TMPRSS11E: variants seen among roughly 807,000 people sequenced by gnomAD.
TMPRSS11E encodes the protein transmembrane protease serine 11E.
In TMPRSS11E, 38 loss-of-function variants were observed where a neutral mutation model predicts 48.1. That is an observed-to-expected ratio of 0.79 (90% confidence interval 0.61 to 1.04). The LOEUF is 1.04. Among genes scored for constraint, TMPRSS11E ranks in the 50% least tolerant of loss-of-function variants. The pLI, the probability that TMPRSS11E is intolerant of heterozygous loss-of-function variation, is 0.00. For synonymous variants in TMPRSS11E, 158 were observed against 171.9 expected (o/e 0.92, Z 0.63); for missense variants, 530 against 510.8 (o/e 1.04, Z -0.36).
At position 68,482,167 on chromosome 4, in the gene TMPRSS11E, T is replaced by TGGTAGG. The variant is rs1560557381; in HGVS notation, c.1110+3176_1110+3177insGGTAGG. 4.6e-5 allele frequency among the ~76,000 whole-genome samples: 7 copies of TGGTAGG among 151,436 alleles called. No individual in the cohort carries two copies. The East Asian group carries it at 1.4e-3, about 30-fold the overall frequency. On this transcript the variant is annotated intron_variant, in intron 9 of 9. Coordinates refer to ENST00000305363, the MANE Select transcript of TMPRSS11E (RefSeq NM_014058.4). ...ATGGTGAAAGCAGGAGCAAGAGGGA[T>TGGTAGG]AGAGGTGCCATACACTTTTAAACAA...
chr4:68,458,209 T>G (rs755803205), intron 1 of TMPRSS11E, among the ~76,000 whole-genome samples: 12 of 152,202 alleles, frequency 7.9e-5, no homozygotes, highest in Non-Finnish European at 1.5e-4. Context: ...TAGCTTTATT[T>G]GCACTAGTAC....
chr4:68,464,706 T>C (rs1728881236), intron 2 of TMPRSS11E, among the ~76,000 whole-genome samples: 1 of 152,314 alleles, frequency 6.6e-6, no homozygotes, highest in East Asian at 1.9e-4. Flanking sequence ...TTTTGACCTG[T>C]ACTAATGGTG....
intron 9 of TMPRSS11E, among the ~76,000 whole-genome samples, chr4:68,490,638 G>A (rs1052966005): frequency 4.6e-5 from 7 of 151,816 alleles, no homozygotes; most frequent in African/African-American, 7.3e-5. Flanking sequence ...TTACTGCTTC[G>A]CAGTGGTGAA....
At position 68,496,904 on chromosome 4, in the gene TMPRSS11E, T is replaced by G. The variant is rs1035761033; in HGVS notation, c.*100T>G. On this transcript the variant is annotated 3_prime_UTR_variant, in exon 10 of 10. Transcript: ENST00000305363. ...AATTGGAGAAGACTTGCAAAACAGCTAGATTTGACTGATCTCAATAAACTG... is the reference window on the plus strand; with the variant it reads ...AATTGGAGAAGACTTGCAAAACAGCGAGATTTGACTGATCTCAATAAACTG... The G allele has an allele frequency of 8.6e-7, 1 of 1,166,630 alleles. No homozygotes were observed. The highest frequency in any genetic ancestry group is 1.5e-5 in the South Asian group (1 of 66,952). 72.3% of individuals were successfully genotyped at this position (1,166,630 alleles called of 1,614,324 possible). A position where few individuals can be genotyped will look rare whatever the true frequency, so the allele number is the denominator to read the frequency against.
At chr4:68,464,679 T>A (rs1347347261) in intron 2 of TMPRSS11E, among the ~76,000 whole-genome samples, 1 of 152,204 alleles carries the variant, frequency 6.6e-6, no homozygotes, top group Admixed American at 6.5e-5. Context: ...CATATGAAAT[T>A]GCCAATATTT....
chr4:68,465,895 T>TA (rs1728914744), intron 2 of TMPRSS11E, among the ~76,000 whole-genome samples: 1 of 152,182 alleles, frequency 6.6e-6, no homozygotes, highest in Admixed American at 6.5e-5. Context: ...CACTGGAGGG[T>TA]AGAGGAAAAG....
intron 9 of TMPRSS11E, among the ~76,000 whole-genome samples, chr4:68,489,459 G>C (rs1729654780): frequency 6.6e-6 from 1 of 152,168 alleles, no homozygotes; most frequent in East Asian, 1.9e-4. Flanking sequence ...TGGTCGTGGG[G>C]TAGTGGCAAG....
intron 1 of TMPRSS11E, among the ~76,000 whole-genome samples, chr4:68,451,643 A>G (rs971751508): frequency 7.2e-5 from 11 of 151,988 alleles, no homozygotes; most frequent in African/African-American, 2.4e-4. Context: ...TTGAACTGTG[A>G]GTCAGTGCAG....
chr4:68,471,941 T>C (rs1395827827), intron 5 of TMPRSS11E, among the ~76,000 whole-genome samples: 4 of 151,958 alleles, frequency 2.6e-5, no homozygotes, highest in Admixed American at 2.6e-4. Context: ...GCTTTCATTG[T>C]GTGTTCTGAG....
At chr4:68,478,388 C>T (rs955629659) in intron 8 of TMPRSS11E, among the ~76,000 whole-genome samples, 2 of 150,308 alleles carry the variant, frequency 1.3e-5, no homozygotes, top group Non-Finnish European at 3.0e-5. Context: ...AGGTGATCTG[C>T]CCTCCTCGGC....
Position 68,477,581 on chromosome 4 carries a change from C to A in TMPRSS11E, c.920C>A (p.Pro307Gln), listed in dbSNP as rs1729265708. 6.2e-7 allele frequency: 1 copy of A among 1,613,996 alleles called. No individual in the cohort carries two copies. Among genetic ancestry groups the A allele is most frequent in the East Asian group, 2.2e-5 (1 of 44,866 alleles). ...CCTGATGCATCCTATGAGTTTCAAC[C>A]AGGTGATGTGATGTTTGTGACAGGA... ...CLPDASYEFQPGDVMFVTGFG... is the reference protein window; with the variant it reads ...CLPDASYEFQQGDVMFVTGFG... Residue 307 changes from proline (P) to glutamine (Q), a missense_variant, in exon 8 of 10, where the codon CCA (proline) becomes CAA (glutamine). Physicochemically the swap from Pro to Gln is moderately conservative, Grantham distance 76 (BLOSUM62 -1). Transcript: ENST00000305363.
Position 68,468,737 on chromosome 4 carries a change from A to G in TMPRSS11E, c.259-142A>G, listed in dbSNP as rs1728986106. The G allele has an allele frequency of 4.2e-6, 3 of 706,552 alleles. No individual in the cohort carries two copies. The South Asian group carries it at 4.7e-5, about 11-fold the overall frequency. 43.8% of individuals were successfully genotyped at this position (706,552 alleles called of 1,614,324 possible). ...TGAGAAAACCACAATAGATTCCTCA[A>G]GCTTCCTCAGTTCCACTCACTGTGA... On this transcript the variant is annotated intron_variant, in intron 3 of 9. Coordinates refer to ENST00000305363, the MANE Select transcript of TMPRSS11E (RefSeq NM_014058.4).
At chr4:68,479,143 G>A in intron 9 of TMPRSS11E, 152 bp downstream of exon 9, 1 of 893,572 alleles carries the variant, frequency 1.1e-6, no homozygotes. Flanking sequence ...CATAACTATA[G>A]TTCAATATAA....
At chr4:68,486,586 TG>T (rs1729560790) in intron 9 of TMPRSS11E, among the ~76,000 whole-genome samples, 1 of 152,206 alleles carries the variant, frequency 6.6e-6, no homozygotes, top group Non-Finnish European at 1.5e-5. Context: ...GCCATACATA[TG>T]CAGATGAAAA....
chr4:68,496,993 GA>G lies in TMPRSS11E; in HGVS notation c.*190del, dbSNP rs1301684276. On this transcript the variant is annotated 3_prime_UTR_variant, in exon 10 of 10. Coordinates refer to ENST00000305363, the MANE Select transcript of TMPRSS11E (RefSeq NM_014058.4). ...GCACATAAGCATCCTGCTTCTGCCA[GA>G]TCAACTCTGTCATCTGTGAGCAATA... 1.8e-6 allele frequency: 1 copy of G among 546,294 alleles called. No homozygotes were observed. Among genetic ancestry groups the G allele is most frequent in the Non-Finnish European group, 3.2e-6 (1 of 309,848 alleles). 33.8% of individuals were successfully genotyped at this position (546,294 alleles called of 1,614,324 possible).
At chr4:68,454,451 T>C (rs2109662569) in intron 1 of TMPRSS11E, among the ~76,000 whole-genome samples, 1 of 152,068 alleles carries the variant, frequency 6.6e-6, no homozygotes, top group East Asian at 1.9e-4. Context: ...AACGTAATTG[T>C]CAAGGTGAGT....
chr4:68,464,775 T>G (rs1206678169), intron 2 of TMPRSS11E, among the ~76,000 whole-genome samples: 1 of 152,210 alleles, frequency 6.6e-6, no homozygotes, highest in Non-Finnish European at 1.5e-5. Flanking sequence ...TAGAAGGGTC[T>G]GTTAGCATTC....
At chr4:68,489,076 G>A (rs1333095549) in intron 9 of TMPRSS11E, among the ~76,000 whole-genome samples, 1 of 152,176 alleles carries the variant, frequency 6.6e-6, no homozygotes, top group Non-Finnish European at 1.5e-5. Context: ...CAGAGTTCTT[G>A]CATTGGTTCT....
chr4:68,479,100 T>A lies in TMPRSS11E; in HGVS notation c.1110+109T>A, dbSNP rs1042881625. The A allele has an allele frequency of 7.6e-5, 98 of 1,284,342 alleles. 1 individual carries two copies. The highest frequency in any genetic ancestry group is 1.0e-4 in the Non-Finnish European group (93 of 920,476). 79.6% of individuals were successfully genotyped at this position (1,284,342 alleles called of 1,614,324 possible). On this transcript the variant is annotated intron_variant, in intron 9 of 9. Transcript: ENST00000305363. ...AAGATAGTACAGAGGAGTCACAACATCTCACCCAGTTTTCTCCAATGATTA... is the reference window on the plus strand; with the variant it reads ...AAGATAGTACAGAGGAGTCACAACAACTCACCCAGTTTTCTCCAATGATTA...
Sources: gnomAD v4.1 joint callset for allele counts (sites outside exome capture counted in the v4.1 genomes callset) on GRCh38, gnomAD v4.1.1 for gene constraint, MANE v1.5 for transcripts, NCBI Gene and HGNC (gene_info 2026-07-23, HGNC 2026-07-21) for gene names.